The following PPP4R1 variants were observed in gnomAD, a reference collection of about 807,000 sequenced individuals.
The protein encoded by PPP4R1 is protein phosphatase 4 regulatory subunit 1.
PPP4R1 carries 42 observed loss-of-function variants against 111.2 expected under a neutral mutation model. The observed-to-expected ratio is 0.38, with a 90% CI of 0.29 to 0.49. The LOEUF (loss-of-function observed/expected upper bound fraction) is 0.49. Ranked by LOEUF, PPP4R1 falls within the 20% of genes least tolerant of loss-of-function variation. The pLI, the probability that PPP4R1 is intolerant of heterozygous loss-of-function variation, is 0.97. For synonymous variants in PPP4R1, 409 were observed against 405.5 expected (o/e 1.01, Z -0.10); for missense variants, 1,012 against 1,161.6 (o/e 0.87, Z 1.87).
At chr18:9,578,554 TAA>T (rs58206099) in intron 9 of PPP4R1, among the ~76,000 whole-genome samples, 31 of 135,694 alleles carry the variant, frequency 2.3e-4, no homozygotes, top group Non-Finnish European at 2.1e-4. Context: ...TTCTTTTCTT[TAA>T]AAAAAAAAAA....
Position 9,593,794 on chromosome 18 carries a change from C to A in PPP4R1, c.269G>T (p.Arg90Ile). The A allele has an allele frequency of 6.2e-7, 1 of 1,613,818 alleles. No individual in the cohort carries two copies. The highest frequency in any genetic ancestry group is 8.5e-7 in the Non-Finnish European group (1 of 1,179,840). Reference sequence around the variant, plus strand: ...TGAATCATCGGCCAATCTGCTAATTCTTTCCAAAACAGCAATACAATCTCT... The same window carrying A: ...TGAATCATCGGCCAATCTGCTAATTATTTCCAAAACAGCAATACAATCTCT... ...DERDCIAVLE[R>I]ISRLADDSEP... is the part of the protein sequence containing the mutation. Residue 90 changes from arginine to isoleucine, a missense_variant, in exon 4 of 20, where the codon AGA (arginine) becomes ATA (isoleucine). Arg to Ile is a moderately conservative substitution (Grantham distance 97). This residue lies in a region of PPP4R1 where 707 missense variants were observed against 742.1 expected (regional missense o/e 0.95). Coordinates refer to ENST00000400556, the MANE Select transcript of PPP4R1 (RefSeq NM_001042388.3).
Position 9,570,534 on chromosome 18 carries a change from C to T in PPP4R1, c.1196G>A (p.Ser399Asn), listed in dbSNP as rs373093629. 3.7e-6 allele frequency: 6 copies of T among 1,614,060 alleles called. No homozygotes were observed. The highest frequency in any genetic ancestry group is 2.2e-5 in the South Asian group (2 of 91,092). Reference sequence around the variant, plus strand: ...AAGTAAAGAGCTGTCCAGTGGAACACTAATTTCACCTAGAGGCTTCCCGGA... The same window carrying T: ...AAGTAAAGAGCTGTCCAGTGGAACATTAATTTCACCTAGAGGCTTCCCGGA... Reference protein sequence around the residue: ...EASGKPLGEISVPLDSSLLCT... With the variant: ...EASGKPLGEINVPLDSSLLCT... The change falls in exon 11 of 20, where the codon AGT (serine) becomes AAT (asparagine). Residue 399 changes from serine (S) to asparagine (N), a missense_variant. This residue lies in a region of PPP4R1 where 707 missense variants were observed against 742.1 expected (regional missense o/e 0.95). Coordinates refer to ENST00000400556, the MANE Select transcript of PPP4R1 (RefSeq NM_001042388.3).
intron 2 of PPP4R1, among the ~76,000 whole-genome samples, chr18:9,608,634 A>AT (rs2067525296): frequency 6.6e-6 from 1 of 152,236 alleles, no homozygotes; most frequent in Non-Finnish European, 1.5e-5. Context: ...CCAAAATTCC[A>AT]TAGGTGTGCC....
intron 16 of PPP4R1, chr18:9,551,561 C>T (rs1371282508): frequency 6.6e-6 from 1 of 152,312 alleles, no homozygotes; most frequent in Non-Finnish European, 1.5e-5. Context: ...GGAGAGATGT[C>T]TCATAGCAGG....
At chr18:9,561,880 G>A in intron 13 of PPP4R1, 100 bp downstream of exon 13, 1 of 890,446 alleles carries the variant, frequency 1.1e-6, no homozygotes, top group South Asian at 1.4e-5. Flanking sequence ...TCAATTTTTA[G>A]AACACTCATC....
chr18:9,591,239 C>T (rs773025878), intron 4 of PPP4R1, among the ~76,000 whole-genome samples: 2 of 151,434 alleles, frequency 1.3e-5, no homozygotes, highest in Admixed American at 1.3e-4. Context: ...TCCCACCACT[C>T]GAGAGGCTGA....
At chr18:9,549,076 C>A in intron 19 of PPP4R1, 121 bp downstream of exon 19, 1 of 1,284,344 alleles carries the variant, frequency 7.8e-7, no homozygotes, top group Non-Finnish European at 1.1e-6. Context: ...TAAAGTATTT[C>A]CTTCCACCAG....
intron 4 of PPP4R1, among the ~76,000 whole-genome samples, chr18:9,589,427 G>C (rs1272794220): frequency 6.6e-6 from 1 of 152,052 alleles, no homozygotes; most frequent in East Asian, 1.9e-4. Context: ...TCAAATTTCT[G>C]GGCTTCAAAA....
intron 6 of PPP4R1, among the ~76,000 whole-genome samples, chr18:9,586,555 A>G (rs1187772429): frequency 6.6e-6 from 1 of 151,584 alleles, no homozygotes; most frequent in African/African-American, 2.4e-5. Flanking sequence ...CTGAAAAAGT[A>G]AATTTATTAT....
Position 9,547,626 on chromosome 18 carries a change from T to C in PPP4R1, c.*163A>G. Reference sequence around the variant, plus strand: ...GTTTACTGTACTTTCTCTTGACTCTTGAAATCCCTGGTATTGGGTGTAGGC... The same window carrying C: ...GTTTACTGTACTTTCTCTTGACTCTCGAAATCCCTGGTATTGGGTGTAGGC... On this transcript the variant is annotated 3_prime_UTR_variant, in exon 20 of 20. Transcript: ENST00000400556. The C allele has an allele frequency of 1.4e-6, 1 of 708,002 alleles. No homozygotes were observed. Among genetic ancestry groups the C allele is most frequent in the South Asian group, 1.9e-5 (1 of 52,104 alleles). 43.9% of individuals were successfully genotyped at this position (708,002 alleles called of 1,614,324 possible). A position where few individuals can be genotyped will look rare whatever the true frequency, so the allele number is the denominator to read the frequency against.
chr18:9,608,035 C>A (rs1043267979), intron 2 of PPP4R1, among the ~76,000 whole-genome samples: 1 of 144,026 alleles, frequency 6.9e-6, no homozygotes, highest in East Asian at 2.6e-4. Flanking sequence ...CCACCCGCCT[C>A]GTTCTCCCAA....
At chr18:9,549,176 T>C (rs1387466304) in intron 19 of PPP4R1, 21 bp downstream of exon 19, 1 of 1,605,196 alleles carries the variant, frequency 6.2e-7, no homozygotes, top group East Asian at 2.2e-5. Flanking sequence ...ACACGCTTCT[T>C]CTAGTGGAGT....
At position 9,580,327 on chromosome 18, in the gene PPP4R1, C is replaced by T. The variant is rs892399067; in HGVS notation, c.918+2790G>A. ...AAGAAAACTGACAAAATGTAGTATA[C>T]ATCATAAAAAAGCTGAGAGTCTAAT... On this transcript the variant is annotated intron_variant, in intron 9 of 19. Coordinates refer to ENST00000400556, the MANE Select transcript of PPP4R1 (RefSeq NM_001042388.3). Among the ~76,000 whole-genome samples the T allele has an allele frequency of 6.0e-5, 9 of 149,350 alleles. 1 individual carries two copies. The South Asian group carries it at 1.7e-3, about 28-fold the overall frequency.
At chr18:9,597,782 T>A (rs1329882457) in intron 2 of PPP4R1, among the ~76,000 whole-genome samples, 1 of 151,900 alleles carries the variant, frequency 6.6e-6, no homozygotes, top group Non-Finnish European at 1.5e-5. Context: ...CAAGGTAAAC[T>A]CTACAATGTC....
chr18:9,615,915 A>C (rs953200408), upstream of PPP4R1, among the ~76,000 whole-genome samples: 1 of 152,236 alleles, frequency 6.6e-6, no homozygotes, highest in African/African-American at 2.4e-5. Context: ...CAAAAAATTC[A>C]GTCAGATATT....
At chr18:9,555,965 T>C (rs1466991376) in intron 15 of PPP4R1, among the ~76,000 whole-genome samples, 5 of 146,508 alleles carry the variant, frequency 3.4e-5, no homozygotes, top group South Asian at 2.2e-4. Flanking sequence ...TGAAACCCCA[T>C]CTCTACTAAA....
chr18:9,567,243 A>T (rs1471749498), intron 11 of PPP4R1, among the ~76,000 whole-genome samples: 2 of 152,334 alleles, frequency 1.3e-5, no homozygotes, highest in East Asian at 3.9e-4. Flanking sequence ...AGGATTCAAG[A>T]CTTCAGTGGA....
At chr18:9,598,709 G>A (rs1787162) in intron 2 of PPP4R1, among the ~76,000 whole-genome samples, 121,325 of 152,098 alleles carry the variant, frequency 0.8, 48,504 homozygotes, top group Non-Finnish European at 0.81. Context: ...GATCTATACA[G>A]AAGAATAAAG....
chr18:9,593,584 T>C (rs1317735908), intron 4 of PPP4R1, among the ~76,000 whole-genome samples, 184 bp downstream of exon 4: 1 of 152,226 alleles, frequency 6.6e-6, no homozygotes, highest in Non-Finnish European at 1.5e-5. Context: ...ATGAGCCCAC[T>C]GTAAAATGTC....
Sources: gnomAD v4.1 joint callset for allele counts (sites outside exome capture counted in the v4.1 genomes callset) on GRCh38, gnomAD v4.1.1 for gene constraint, gnomAD v4.1.1 regional missense constraint, MANE v1.5 for transcripts, NCBI Gene and HGNC (gene_info 2026-07-23, HGNC 2026-07-21) for gene names.